Variants in LCE1D observed in about 807,000 individuals in gnomAD.
LCE1D encodes late cornified envelope 1D.
For missense variants in LCE1D, 86 were observed against 164.4 expected, an observed-to-expected ratio of 0.52 and a Z score of 2.61; for synonymous variants, 44 against 65.0, an observed-to-expected ratio of 0.68 and a Z score of 1.55.
At chr1:152,796,938 A>T (rs1652083814) in intron 1 of LCE1D, among the ~76,000 whole-genome samples, 167 bp downstream of exon 1, 1 of 135,698 alleles carries the variant, frequency 7.4e-6, no homozygotes, top group Admixed American at 7.3e-5. Context: ...AGAGGAAAAG[A>T]GCTGGCGGGC....
At position 152,797,870 on chromosome 1, in the gene LCE1D, G is replaced by A. The variant is rs748527463; in HGVS notation, c.76G>A (p.Ala26Thr). The A allele has an allele frequency of 2.8e-5, 40 of 1,438,022 alleles. 12 individuals carry two copies. Among genetic ancestry groups the A allele is most frequent in the Non-Finnish European group, 3.9e-5 (40 of 1,033,302 alleles). The allele number at this position is 1,438,022 out of a possible 1,614,324, so 89.1% of individuals were successfully genotyped here. A position where few individuals can be genotyped will look rare whatever the true frequency, so the allele number is the denominator to read the frequency against. Residue 26 changes from alanine to threonine, a missense_variant, in exon 2 of 2, where the codon GCC (alanine) becomes ACC (threonine). Physicochemically the swap from Ala to Thr is moderately conservative, Grantham distance 58. Coordinates refer to ENST00000326233, the MANE Select transcript of LCE1D (RefSeq NM_178352.3). ...CTPKCTPKCP[A>T]PKCPPKCPPV... ...TCCCAAGTGCACTCCCAAGTGCCCC[G>A]CCCCTAAATGTCCCCCTAAGTGCCC...
Position 152,797,814 on chromosome 1 carries a change from A to G in LCE1D, c.20A>G (p.Gln7Arg). 1 of 1,436,168 alleles carries G rather than the reference A, an allele frequency of 7.0e-7. No homozygotes were observed. The highest frequency in any genetic ancestry group is 1.1e-5 in the South Asian group (1 of 87,208). 89.0% of individuals were successfully genotyped at this position (1,436,168 alleles called of 1,614,324 possible). A position where few individuals can be genotyped will look rare whatever the true frequency, so the allele number is the denominator to read the frequency against. Residue 7 changes from glutamine to arginine, a missense_variant, in exon 2 of 2, where the codon CAG (glutamine) becomes CGG (arginine). Transcript: ENST00000326233. Reference protein sequence around the residue: MSCQQSQQQCQPPPKCT... With the variant: MSCQQSRQQCQPPPKCT... ...ACCGAGATGTCCTGCCAGCAGAGCC[A>G]GCAGCAGTGCCAGCCCCCTCCCAAG...
intron 1 of LCE1D, 57 bp from the exon 2 acceptor site, chr1:152,797,716 C>T: frequency 8.7e-7 from 1 of 1,152,622 alleles, no homozygotes; most frequent in Non-Finnish European, 1.3e-6. Flanking sequence ...CTAAGAGTGT[C>T]ACAGGGGCAG....
intron 1 of LCE1D, 27 bp downstream of exon 1, chr1:152,796,798 A>G (rs1216733740): frequency 7.3e-6 from 1 of 137,002 alleles, no homozygotes; most frequent in African/African-American, 2.6e-5. Flanking sequence ...GATGCTCAGA[A>G]CAGAGCAGGA....
In LCE1D at chr1:152,796,765, G is replaced by A. The variant is rs1368114974; in HGVS notation, c.-29G>A. The A allele has an allele frequency of 7.3e-6, 1 of 136,936 alleles. No homozygotes were observed. The highest frequency in any genetic ancestry group is 1.7e-5 in the Non-Finnish European group (1 of 59,416). The allele number at this position is 136,936 out of a possible 1,614,324, so 8.5% of individuals were successfully genotyped here. A position where few individuals can be genotyped will look rare whatever the true frequency, so the allele number is the denominator to read the frequency against. ...TGCTAAAGAACCCTGTGCTGCCTGT[G>A]ACTCCGGTAAGAACAGAGCAGGGAT... is the stretch of plus-strand genomic sequence containing the variant. On this transcript the variant is annotated 5_prime_UTR_variant, in exon 1 of 2. Coordinates refer to ENST00000326233, the MANE Select transcript of LCE1D (RefSeq NM_178352.3).
rs762423475 is a variant in LCE1D, at chr1:152,798,165, C to A, written c.*26C>A. On this transcript the variant is annotated 3_prime_UTR_variant, in exon 2 of 2. Transcript: ENST00000326233. ...AGTGGACCTTGACTTCCTCTTCCTT[C>A]TGATTCTGCCTGAATAGCTGAGAGG... 1 of 1,323,300 alleles carries A rather than the reference C, an allele frequency of 7.6e-7. No individual in the cohort carries two copies. Among genetic ancestry groups the A allele is most frequent in the East Asian group, 2.3e-5 (1 of 44,124 alleles). The allele number at this position is 1,323,300 out of a possible 1,614,324, so 82.0% of individuals were successfully genotyped here. A position where few individuals can be genotyped will look rare whatever the true frequency, so the allele number is the denominator to read the frequency against.
rs777534260 is a variant in LCE1D at position 152,798,100 on chromosome 1, C to A, written c.306C>A (p.Cys102Ter). Residue 102 changes from cysteine (C) to a stop codon, truncating the protein, a stop_gained, in exon 2 of 2, where the codon TGC becomes TGA. Transcript: ENST00000326233. LOFTEE classifies it high-confidence loss of function. The part of the protein sequence containing the change: ...CSQPSGGSSC[C>*]GGGSSQHSGG... The stretch of plus-strand genomic sequence containing the variant: ...AGCCCTCGGGGGGCTCCAGCTGCTG[C>A]GGTGGGGGCAGCAGCCAGCACTCTG... The A allele has an allele frequency of 4.9e-6, 7 of 1,420,686 alleles. 1 individual carries two copies. The highest frequency in any genetic ancestry group is 3.5e-5 in the South Asian group (3 of 85,342). 88.0% of individuals were successfully genotyped at this position (1,420,686 alleles called of 1,614,324 possible). A position where few individuals can be genotyped will look rare whatever the true frequency, so the allele number is the denominator to read the frequency against.
Position 152,797,804 on chromosome 1 carries a change from C to T in LCE1D, c.10C>T (p.Gln4Ter), listed in dbSNP as rs373209793. MSC[Q>*]QSQQQCQPPP... ...AACACCCACCACCGAGATGTCCTGC[C>T]AGCAGAGCCAGCAGCAGTGCCAGCC... is the stretch of plus-strand genomic sequence containing the variant. Residue 4 changes from glutamine (Q) to a stop codon, truncating the protein, a stop_gained, in exon 2 of 2, where the codon CAG becomes TAG. Transcript: ENST00000326233. LOFTEE classifies it low-confidence loss of function (END_TRUNC). The T allele has an allele frequency of 1.4e-6, 2 of 1,438,594 alleles. No individual in the cohort carries two copies. Among genetic ancestry groups the T allele is most frequent in the Non-Finnish European group, 1.9e-6 (2 of 1,033,522 alleles). 89.1% of individuals were successfully genotyped at this position (1,438,594 alleles called of 1,614,324 possible).
rs769702600 is a variant in LCE1D, at chr1:152,797,605, T to A, written c.-22-168T>A. 6.6e-5 allele frequency among the ~76,000 whole-genome samples: 9 copies of A among 135,768 alleles called. 3 individuals are homozygous for A. The highest frequency in any genetic ancestry group is 1.5e-4 in the Non-Finnish European group (9 of 58,906). 89.1% of individuals were successfully genotyped at this position (135,768 alleles called of 152,430 possible). On this transcript the variant is annotated intron_variant, in intron 1 of 1. Coordinates refer to ENST00000326233, the MANE Select transcript of LCE1D (RefSeq NM_178352.3). ...ATATTGTTTAGTCTTAGTTTACAGT[T>A]GTCTGACATCCAAAGATATCTTGAA...
In LCE1D at chr1:152,797,974, T is replaced by C; in HGVS notation, c.180T>C (p.Ser60=). 1 of 1,440,950 alleles carries C rather than the reference T, an allele frequency of 6.9e-7. No individual in the cohort carries two copies. Among genetic ancestry groups the C allele is most frequent in the Non-Finnish European group, 9.7e-7 (1 of 1,034,862 alleles). 89.3% of individuals were successfully genotyped at this position (1,440,950 alleles called of 1,614,324 possible). The part of the protein sequence containing the change: ...SSSGGGCGSN[S]GGCCSSGGGG... Reference sequence around the variant, plus strand: ...CTGGGGGCGGCTGTGGCTCCAACTCTGGGGGCTGCTGCAGCTCTGGGGGTG... The same window carrying C: ...CTGGGGGCGGCTGTGGCTCCAACTCCGGGGGCTGCTGCAGCTCTGGGGGTG... Residue 60 remains serine (S), a synonymous_variant, in exon 2 of 2, where the codon TCT becomes TCC. Coordinates refer to ENST00000326233, the MANE Select transcript of LCE1D (RefSeq NM_178352.3).
chr1:152,797,916 G>A lies in LCE1D; in HGVS notation c.122G>A (p.Ser41Asn), dbSNP rs373371609. The A allele has an allele frequency of 6.7e-5, 99 of 1,480,740 alleles. 10 individuals are homozygous for A. Among genetic ancestry groups the A allele is most frequent in the Middle Eastern group, 3.8e-4 (2 of 5,284 alleles). The allele number at this position is 1,480,740 out of a possible 1,614,324, so 91.7% of individuals were successfully genotyped here. Residue 41 changes from serine (S) to asparagine (N), a missense_variant, in exon 2 of 2, where the codon AGT becomes AAT. By Grantham distance (46) the Ser-to-Asn change is conservative. Coordinates refer to ENST00000326233, the MANE Select transcript of LCE1D (RefSeq NM_178352.3). ...TGCCCTCCAGTCTCTTCCTGCTGCAGTGTCAGCTCCGGAGGCTGCTGTGGC... is the reference window on the plus strand; with the variant it reads ...TGCCCTCCAGTCTCTTCCTGCTGCAATGTCAGCTCCGGAGGCTGCTGTGGC... Reference protein sequence around the residue: ...PKCPPVSSCCSVSSGGCCGSS... With the variant: ...PKCPPVSSCCNVSSGGCCGSS...
At chr1:152,797,334 C>A (rs1652090040) in intron 1 of LCE1D, among the ~76,000 whole-genome samples, 1 of 134,888 alleles carries the variant, frequency 7.4e-6, no homozygotes, top group South Asian at 2.3e-4. Context: ...GCAGAAACTG[C>A]TAAGTTTATC....
chr1:152,797,725 A>G, intron 1 of LCE1D, 48 bp from the exon 2 acceptor site: 2 of 1,219,886 alleles, frequency 1.6e-6, no homozygotes, highest in African/African-American at 3.1e-5. Flanking sequence ...TCACAGGGGC[A>G]GAGGTGGCCT....
chr1:152,797,437 C>G (rs1407718865), intron 1 of LCE1D, among the ~76,000 whole-genome samples: 1 of 135,726 alleles, frequency 7.4e-6, no homozygotes, highest in Non-Finnish European at 1.7e-5. Context: ...CAAATTATGA[C>G]CAGAGAGAAT....
chr1:152,797,332 T>G (rs1049627371), intron 1 of LCE1D, among the ~76,000 whole-genome samples: 4 of 135,018 alleles, frequency 3.0e-5, no homozygotes, highest in African/African-American at 1.1e-4. Context: ...CTGCAGAAAC[T>G]GCTAAGTTTA....
chr1:152,798,025 G>T lies in LCE1D; in HGVS notation c.231G>T (p.Arg77Ser), dbSNP rs757733954. 3 of 1,439,300 alleles carry T rather than the reference G, an allele frequency of 2.1e-6. No homozygotes were observed. The highest frequency in any genetic ancestry group is 2.9e-6 in the Non-Finnish European group (3 of 1,034,078). 89.2% of individuals were successfully genotyped at this position (1,439,300 alleles called of 1,614,324 possible). The change falls in exon 2 of 2, where the codon AGG becomes AGT. Residue 77 changes from arginine to serine, a missense_variant. Arg to Ser is a moderately radical substitution (Grantham distance 110, BLOSUM62 -1). Coordinates refer to ENST00000326233, the MANE Select transcript of LCE1D (RefSeq NM_178352.3). ...GTGGCTGCTGCCTGAGCCACCACAG[G>T]CGCCACAGGTCCCACCGTCGCAGAC... ...GGGGCCLSHHRRHRSHRRRPQ... is the reference protein window; with the variant it reads ...GGGGCCLSHHSRHRSHRRRPQ...
chr1:152,797,127 C>T (rs1652086928), intron 1 of LCE1D, among the ~76,000 whole-genome samples: 1 of 134,918 alleles, frequency 7.4e-6, no homozygotes, highest in Admixed American at 7.3e-5. Flanking sequence ...GAGCTGTGGA[C>T]ATGGGACTAA....
intron 1 of LCE1D, 55 bp from the exon 2 acceptor site, chr1:152,797,718 C>A: frequency 8.6e-7 from 1 of 1,169,514 alleles, no homozygotes; most frequent in Non-Finnish European, 1.2e-6. Flanking sequence ...AAGAGTGTCA[C>A]AGGGGCAGAG....
rs1441283903 is a variant in LCE1D, at chr1:152,797,893, C to T, written c.99C>T (p.Cys33=). The change falls in exon 2 of 2, where the codon TGC becomes TGT. Residue 33 remains cysteine (C), a synonymous_variant. Transcript: ENST00000326233. Reference sequence around the variant, plus strand: ...CCGCCCCTAAATGTCCCCCTAAGTGCCCTCCAGTCTCTTCCTGCTGCAGTG... The same window carrying T: ...CCGCCCCTAAATGTCCCCCTAAGTGTCCTCCAGTCTCTTCCTGCTGCAGTG... ...KCPAPKCPPK[C]PPVSSCCSVS... 1.4e-6 allele frequency: 2 copies of T among 1,444,178 alleles called. No homozygotes were observed. Among genetic ancestry groups the T allele is most frequent in the Non-Finnish European group, 1.9e-6 (2 of 1,037,750 alleles). The allele number at this position is 1,444,178 out of a possible 1,614,324, so 89.5% of individuals were successfully genotyped here. A position where few individuals can be genotyped will look rare whatever the true frequency, so the allele number is the denominator to read the frequency against.
Sources: gnomAD v4.1 joint callset for allele counts (sites outside exome capture counted in the v4.1 genomes callset) on GRCh38, gnomAD v4.1.1 for gene constraint, MANE v1.5 for transcripts, NCBI Gene and HGNC (gene_info 2026-07-23, HGNC 2026-07-21) for gene names.